Variants in PPP1R12B observed in about 807,000 individuals in gnomAD.
The protein encoded by PPP1R12B is myosin phosphatase target subunit 2.
A neutral mutation model predicts 126.1 loss-of-function variants in PPP1R12B; 76 were observed. That is an observed-to-expected ratio of 0.60 (90% CI 0.50 to 0.73). The LOEUF (loss-of-function observed/expected upper bound fraction) is 0.73, where lower values mean the gene tolerates loss of function less well. Among genes scored for constraint, PPP1R12B ranks in the 30% least tolerant of loss-of-function variants. PPP1R12B has a pLI of 0.00. For missense variants in PPP1R12B, 1,052 were observed against 1,205.1 expected, an observed-to-expected ratio of 0.87 and a Z score of 1.88; for synonymous variants, 356 against 434.7, an observed-to-expected ratio of 0.82 and a Z score of 2.25.
chr1:202,495,251 T>G, intron 15 of PPP1R12B, 42 bp from the exon 16 acceptor site: 2 of 1,493,032 alleles, frequency 1.3e-6, no homozygotes, highest in Non-Finnish European at 1.8e-6. Context: ...ACTCTTTAGA[T>G]GGACTTGATT....
intron 1 of PPP1R12B, among the ~76,000 whole-genome samples, chr1:202,383,423 T>A (rs2148496931): frequency 6.6e-6 from 1 of 152,314 alleles, no homozygotes; most frequent in Admixed American, 6.5e-5. Context: ...TGCTATGTGC[T>A]TTTTAAAATT....
At chr1:202,456,223 T>G (rs527448453) in intron 13 of PPP1R12B, among the ~76,000 whole-genome samples, 2 of 150,916 alleles carry the variant, frequency 1.3e-5, no homozygotes, top group South Asian at 4.2e-4. Context: ...GAGCCGAGAT[T>G]GTACCAGTGC....
chr1:202,485,506 G>C (rs1348534103), intron 13 of PPP1R12B, among the ~76,000 whole-genome samples: 1 of 152,138 alleles, frequency 6.6e-6, no homozygotes, highest in Non-Finnish European at 1.5e-5. Flanking sequence ...GGCCTGTGAG[G>C]ACAGAGGGAC....
chr1:202,413,806 A>G (rs904096254), intron 1 of PPP1R12B, among the ~76,000 whole-genome samples: 7 of 152,216 alleles, frequency 4.6e-5, no homozygotes, highest in South Asian at 2.1e-4. Context: ...TGATGAAAGT[A>G]TATAAAATCT....
rs192539932 is a variant in PPP1R12B at position 202,428,754 on chromosome 1, G to T, written c.847-101G>T. Reference sequence around the variant, plus strand: ...AGTTTGAAAAGCAGCTATTATTGGAGTCAAAGGCAAAAAGTGACTTTTGAA... The same window carrying T: ...AGTTTGAAAAGCAGCTATTATTGGATTCAAAGGCAAAAAGTGACTTTTGAA... On this transcript the variant is annotated intron_variant, in intron 5 of 23. Transcript: ENST00000608999. 159 of 1,065,030 alleles carry T rather than the reference G, an allele frequency of 1.5e-4. 1 individual carries two copies. In the East Asian group the frequency reaches 3.0e-3, roughly 20 times the overall value. 66.0% of individuals were successfully genotyped at this position (1,065,030 alleles called of 1,614,324 possible). A position where few individuals can be genotyped will look rare whatever the true frequency, so the allele number is the denominator to read the frequency against.
chr1:202,587,505 T>TGTTC lies in PPP1R12B; in HGVS notation c.*6948_*6949insCGTT. 1 of 43,106 alleles carries TGTTC rather than the reference T, an allele frequency of 2.3e-5. No individual in the cohort carries two copies. Among genetic ancestry groups the TGTTC allele is most frequent in the Non-Finnish European group, 9.6e-5 (1 of 10,394 alleles). 2.7% of individuals were successfully genotyped at this position (43,106 alleles called of 1,614,324 possible). Reference sequence around the variant, plus strand: ...TCTGGTTTACTCTTTATCCTGAGACTGTTTATAGCTTAAAACAGAAGTGTG... The same window carrying TGTTC: ...TCTGGTTTACTCTTTATCCTGAGACTGTTCGTTTATAGCTTAAAACAGAAGTGTG... On this transcript the variant is annotated 3_prime_UTR_variant, in exon 24 of 24. Transcript: ENST00000608999.
Position 202,565,301 on chromosome 1 carries a change from C to G in PPP1R12B, c.2757+754C>G, listed in dbSNP as rs1274841103. On this transcript the variant is annotated intron_variant, in intron 21 of 23. Transcript: ENST00000608999. The surrounding 1 kb of genome is among the most constrained non-coding windows in gnomAD (Gnocchi z 4.3). The stretch of plus-strand genomic sequence containing the variant: ...TATCAGGAAACCTATTGAGTTATTT[C>G]CCTCCTAGAATGCCTGGGGACTTAG... 1.3e-5 allele frequency among the ~76,000 whole-genome samples: 2 copies of G among 152,194 alleles called. No individual in the cohort carries two copies. The highest frequency in any genetic ancestry group is 2.9e-5 in the Non-Finnish European group (2 of 68,034).
intron 1 of PPP1R12B, among the ~76,000 whole-genome samples, chr1:202,372,510 A>T (rs12144652): frequency 0.42 from 63,163 of 151,746 alleles, 15,166 homozygotes; most frequent in East Asian, 0.7. Flanking sequence ...TCAAAAAAAA[A>T]AAATAAATAA....
rs539103117 is a variant in PPP1R12B at position 202,379,430 on chromosome 1, C to G, written c.291+30288C>G. ...GATGCTTATCCAAGTTTGGAAATCA[C>G]TGATGAAAACTGATTTGCTCCCTCC... On this transcript the variant is annotated intron_variant, in intron 1 of 23. Transcript: ENST00000608999. Among the ~76,000 whole-genome samples, 9 of 152,302 alleles carry G rather than the reference C, an allele frequency of 5.9e-5. No individual in the cohort carries two copies. In the South Asian group the frequency reaches 6.2e-4, roughly 11 times the overall value.
chr1:202,422,427 G>T lies in PPP1R12B; in HGVS notation c.423-193G>T, dbSNP rs1668923915. 2.0e-5 allele frequency among the ~76,000 whole-genome samples: 3 copies of T among 152,220 alleles called. No homozygotes were observed. In the East Asian group the frequency reaches 5.8e-4, roughly 29 times the overall value. On this transcript the variant is annotated intron_variant, in intron 2 of 23. Transcript: ENST00000608999. ...AATCCTGTTTGTTGGCATTGCTCTA[G>T]TCAGGAAATGGGGAAGCCTTCAGTC...
chr1:202,353,252 T>C (rs1283156852), intron 1 of PPP1R12B, among the ~76,000 whole-genome samples: 1 of 152,220 alleles, frequency 6.6e-6, no homozygotes, highest in African/African-American at 2.4e-5. Flanking sequence ...ATTCTACATT[T>C]ATTACTCATT....
At chr1:202,472,358 G>C (rs1411299599) in intron 13 of PPP1R12B, among the ~76,000 whole-genome samples, 3 of 152,086 alleles carry the variant, frequency 2.0e-5, no homozygotes, top group Admixed American at 6.6e-5. Flanking sequence ...ATGAGTGGTG[G>C]TGCTGAATTT....
At chr1:202,449,493 G>T (rs2843420) in intron 13 of PPP1R12B, among the ~76,000 whole-genome samples, 15,144 of 151,602 alleles carry the variant, frequency 0.1, 2,134 homozygotes, top group African/African-American at 0.32. Context: ...AGCCAGGATG[G>T]TCTCGATCTC....
chr1:202,368,472 T>C lies in PPP1R12B; in HGVS notation c.291+19330T>C, dbSNP rs556945852. Among the ~76,000 whole-genome samples the C allele has an allele frequency of 2.6e-5, 4 of 152,236 alleles. No homozygotes were observed. The South Asian group carries it at 8.3e-4, about 32-fold the overall frequency. ...AATTAAATCTCTTTTTTTAATAAAC[T>C]AGTCAGCCTCAGGTATTTCTTTATA... On this transcript the variant is annotated intron_variant, in intron 1 of 23. Coordinates refer to ENST00000608999, the MANE Select transcript of PPP1R12B (RefSeq NM_002481.4).
At chr1:202,552,098 G>C (rs1355241672) in intron 18 of PPP1R12B, among the ~76,000 whole-genome samples, 1 of 152,104 alleles carries the variant, frequency 6.6e-6, no homozygotes, top group Non-Finnish European at 1.5e-5. Flanking sequence ...ATTTTGTTTT[G>C]GCAGCAATAG....
In PPP1R12B at chr1:202,585,259, A is replaced by T. The variant is rs1689750509; in HGVS notation, c.*4699A>T. 1.3e-5 allele frequency: 2 copies of T among 152,322 alleles called. No individual in the cohort carries two copies. The highest frequency in any genetic ancestry group is 1.3e-4 in the Admixed American group (2 of 15,288). 9.4% of individuals were successfully genotyped at this position (152,322 alleles called of 1,614,324 possible). Reference sequence around the variant, plus strand: ...CAATCCACCTGGCTGGGCCTCCCAAAGCGATAGGATTACAGGCGTAAGGGC... The same window carrying T: ...CAATCCACCTGGCTGGGCCTCCCAATGCGATAGGATTACAGGCGTAAGGGC... On this transcript the variant is annotated 3_prime_UTR_variant, in exon 24 of 24. Transcript: ENST00000608999.
intron 1 of PPP1R12B, among the ~76,000 whole-genome samples, chr1:202,405,256 A>C (rs1331565472): frequency 6.6e-6 from 1 of 152,138 alleles, no homozygotes; most frequent in Non-Finnish European, 1.5e-5. Flanking sequence ...TTCCTTTACC[A>C]GCTATAGAAG....
At chr1:202,472,196 C>CAT in intron 13 of PPP1R12B, 1 of 608,888 alleles carries the variant, frequency 1.6e-6, no homozygotes, top group South Asian at 2.5e-5. Context: ...TTGGAACTTA[C>CAT]ATATATATAG....
chr1:202,416,111 A>G (rs539247939), intron 1 of PPP1R12B, among the ~76,000 whole-genome samples: 66 of 152,352 alleles, frequency 4.3e-4, no homozygotes, highest in African/African-American at 1.6e-3. Flanking sequence ...TAAAATTCAT[A>G]TACAAATCAG....
Sources: allele counts gnomAD v4.1 joint callset (sites outside exome capture counted in the v4.1 genomes callset), GRCh38; gene constraint gnomAD v4.1.1; non-coding constraint Gnocchi (gnomAD v3.1); transcripts MANE v1.5; gene names NCBI Gene and HGNC (gene_info 2026-07-23, HGNC 2026-07-21).